The following PLEKHG1 variants were observed in gnomAD, a reference collection of about 807,000 sequenced individuals.
PLEKHG1 encodes pleckstrin homology and RhoGEF domain containing G1, also known as pleckstrin homology domain-containing family G member 1.
PLEKHG1 carries 44 observed loss-of-function variants against 100.8 expected under a neutral mutation model. That is an observed-to-expected ratio of 0.44 (90% confidence interval 0.34 to 0.56). The LOEUF is 0.56. PLEKHG1 is among the 20% of genes least tolerant of loss of function. The pLI is 0.01. For missense variants in PLEKHG1, 1,545 were observed against 1,720.9 expected, an observed-to-expected ratio of 0.90 and a Z score of 1.81; for synonymous variants, 640 against 662.5, an observed-to-expected ratio of 0.97 and a Z score of 0.52.
Position 150,619,219 on chromosome 6 carries a change from G to A in PLEKHG1, c.-203-18861G>A, listed in dbSNP as rs902529763. On this transcript the variant is annotated intron_variant, in intron 1 of 3. Coordinates refer to the PLEKHG1 transcript ENST00000367326. ...GAGACGTTTGGGTTTAGGGGAGGGC[G>A]TTCAAAGGTCATCTGAGTTTTGCAC... Among the ~76,000 whole-genome samples, 5 of 152,292 alleles carry A rather than the reference G, an allele frequency of 3.3e-5. No homozygotes were observed. In the East Asian group the frequency reaches 7.7e-4, roughly 23 times the overall value.
At chr6:150,690,680 T>C (rs1456308544) in intron 3 of PLEKHG1, among the ~76,000 whole-genome samples, 1 of 152,168 alleles carries the variant, frequency 6.6e-6, no homozygotes, top group Non-Finnish European at 1.5e-5. Flanking sequence ...AACTCTGGAT[T>C]AGGAGTGAAA....
intron 3 of PLEKHG1, among the ~76,000 whole-genome samples, chr6:150,688,443 C>T (rs926539986): frequency 1.3e-5 from 2 of 152,130 alleles, no homozygotes; most frequent in African/African-American, 4.8e-5. Context: ...ACCTCAGCCT[C>T]CTGAGTAGCT....
At chr6:150,787,846 C>A (rs562444551) in intron 4 of PLEKHG1, among the ~76,000 whole-genome samples, 1 of 152,064 alleles carries the variant, frequency 6.6e-6, no homozygotes, top group African/African-American at 2.4e-5. Flanking sequence ...TGTGCACACA[C>A]GTTTACCTGT....
chr6:150,827,709 A>G, intron 14 of PLEKHG1: 1 of 1,199,850 alleles, frequency 8.3e-7, no homozygotes, highest in Non-Finnish European at 1.2e-6. Context: ...ATCTTACGCA[A>G]AAAGGGTTTC....
rs1777682371 is a variant in PLEKHG1, at chr6:150,630,033, ACTATTT to A, written c.-203-8045_-203-8040del. On this transcript the variant is annotated intron_variant, in intron 1 of 3. Coordinates refer to the PLEKHG1 transcript ENST00000367326. Reference sequence around the variant, plus strand: ...CTAGCAAGTGTGATGGAGGCCATAGACTATTTCACAGGGGATTACTGGTGATGCCAT... The same window carrying A: ...CTAGCAAGTGTGATGGAGGCCATAGACACAGGGGATTACTGGTGATGCCAT... Among the ~76,000 whole-genome samples the A allele has an allele frequency of 2.0e-5, 3 of 152,306 alleles. No homozygotes were observed. In the South Asian group the frequency reaches 6.2e-4, roughly 32 times the overall value.
exon 1 of PLEKHG1, chr6:150,721,109 G>C: frequency 1.0e-6 from 1 of 978,798 alleles, no homozygotes; most frequent in South Asian, 4.7e-5. Context: ...GGAAGGCGCT[G>C]CACAGACTAG....
intron 4 of PLEKHG1, among the ~76,000 whole-genome samples, chr6:150,793,487 G>T (rs552536073): frequency 2.0e-5 from 3 of 152,134 alleles, no homozygotes; most frequent in Admixed American, 1.3e-4. Context: ...ATAGAAGGAG[G>T]TTCTTTTTTT....
chr6:150,837,310 G>A (rs803403), intron 15 of PLEKHG1, among the ~76,000 whole-genome samples: 25,314 of 152,276 alleles, frequency 0.17, 2,316 homozygotes, highest in Middle Eastern at 0.24. Flanking sequence ...AGAGAAATCA[G>A]AAAAGGATTC....
chr6:150,759,207 A>C, intron 2 of PLEKHG1, among the ~76,000 whole-genome samples: 1 of 152,216 alleles, frequency 6.6e-6, no homozygotes, highest in East Asian at 1.9e-4. Flanking sequence ...CAGATGGTTG[A>C]AAGCTGGTGT....
intron 3 of PLEKHG1, among the ~76,000 whole-genome samples, chr6:150,784,145 G>A (rs997374): frequency 0.064 from 9,708 of 152,212 alleles, 369 homozygotes; most frequent in Middle Eastern, 0.18. Context: ...CCCAGAGGTC[G>A]TTAGACCACA....
At chr6:150,784,435 G>A (rs1339439827) in intron 3 of PLEKHG1, among the ~76,000 whole-genome samples, 1 of 152,158 alleles carries the variant, frequency 6.6e-6, no homozygotes, top group Non-Finnish European at 1.5e-5. Context: ...CATTAGCCAA[G>A]TGCGAAGGGA....
chr6:150,648,997 A>C (rs1778606164), intron 2 of PLEKHG1, among the ~76,000 whole-genome samples: 1 of 152,120 alleles, frequency 6.6e-6, no homozygotes. Context: ...GAAGTATTTC[A>C]TTCTGCAATG....
At chr6:150,739,893 A>T (rs1782762448) in intron 2 of PLEKHG1, among the ~76,000 whole-genome samples, 1 of 152,206 alleles carries the variant, frequency 6.6e-6, no homozygotes, top group Non-Finnish European at 1.5e-5. Flanking sequence ...CAGGGAAGAT[A>T]AAAGAGAGAA....
At chr6:150,624,259 T>C (rs2128558567) in intron 1 of PLEKHG1, among the ~76,000 whole-genome samples, 1 of 152,118 alleles carries the variant, frequency 6.6e-6, no homozygotes, top group Admixed American at 6.5e-5. Flanking sequence ...GCCTTGGGGG[T>C]GCTGCTGCCT....
Position 150,804,155 on chromosome 6 carries a change from T to TCTATATATATA in PLEKHG1, c.781-455_781-454insCTATATATATA, listed in dbSNP as rs1554276213. Reference sequence around the variant, plus strand: ...AGAATGATGCTGGTGTGTAAATATTTTATATATATATATATATATATTTTT... The same window carrying TCTATATATATA: ...AGAATGATGCTGGTGTGTAAATATTTCTATATATATATATATATATATATATATATATTTTT... On this transcript the variant is annotated intron_variant, in intron 6 of 15. Coordinates refer to ENST00000358517, the Ensembl canonical transcript of PLEKHG1. Among the ~76,000 whole-genome samples the TCTATATATATA allele has an allele frequency of 1.7e-4, 5 of 30,264 alleles. 1 individual carries two copies. Among genetic ancestry groups the TCTATATATATA allele is most frequent in the African/African-American group, 7.1e-4 (5 of 7,012 alleles). 19.9% of individuals were successfully genotyped at this position (30,264 alleles called of 152,430 possible).
intron 3 of PLEKHG1, among the ~76,000 whole-genome samples, chr6:150,670,122 G>C (rs890413050): frequency 6.6e-6 from 1 of 152,042 alleles, no homozygotes; most frequent in Non-Finnish European, 1.5e-5. Flanking sequence ...AAGCCCCATG[G>C]ATTTTGATAG....
chr6:150,714,516 GGT>G (rs1781352103), intron 3 of PLEKHG1, among the ~76,000 whole-genome samples: 1 of 152,146 alleles, frequency 6.6e-6, no homozygotes, highest in Non-Finnish European at 1.5e-5. Context: ...ATCATAACTT[GGT>G]TGCAAGGGAA....
At chr6:150,653,616 T>G (rs1303414880) in intron 3 of PLEKHG1, among the ~76,000 whole-genome samples, 2 of 151,902 alleles carry the variant, frequency 1.3e-5, no homozygotes, top group Non-Finnish European at 2.9e-5. Flanking sequence ...CTGGACGTGG[T>G]GGTGAGCTCT....
exon 16 of PLEKHG1, chr6:150,840,850 C>T: frequency 1.2e-6 from 2 of 1,613,154 alleles, no homozygotes; most frequent in Non-Finnish European, 1.7e-6. Context: ...ATTGTCCAGT[C>T]TCTAAGGGAA....
Sources: allele counts gnomAD v4.1 joint callset (sites outside exome capture counted in the v4.1 genomes callset), GRCh38; gene constraint gnomAD v4.1.1; transcripts MANE v1.5; gene names NCBI Gene and HGNC (gene_info 2026-07-23, HGNC 2026-07-21).